The following LBP variants were observed in gnomAD, a reference collection of about 807,000 sequenced individuals.
LBP encodes lipopolysaccharide-binding protein.
In LBP, 53 loss-of-function variants were observed where a neutral mutation model predicts 56.6. The observed-to-expected ratio is 0.94, with a 90% CI of 0.75 to 1.18. LBP has a LOEUF of 1.18. Among genes scored for constraint, LBP ranks in the 50% most tolerant of loss-of-function variants. LBP has a pLI of 0.00. For synonymous variants in LBP, 227 were observed against 247.5 expected (o/e 0.92, Z 0.78); for missense variants, 601 against 598.3 (o/e 1.00, Z -0.05).
intron 6 of LBP, among the ~76,000 whole-genome samples, chr20:38,362,024 C>T (rs542317296): frequency 6.8e-5 from 10 of 147,234 alleles, no homozygotes; most frequent in Non-Finnish European, 1.0e-4. Context: ...GGGCTGGGCG[C>T]GGTGGCTCAC....
At chr20:38,360,653 C>A in intron 5 of LBP, 51 bp from the exon 6 acceptor site, 1 of 1,310,724 alleles carries the variant, frequency 7.6e-7, no homozygotes, top group South Asian at 1.2e-5. Flanking sequence ...AGCACGGGGC[C>A]AGACCAGAGC....
chr20:38,351,730 C>T (rs189361700), intron 3 of LBP, among the ~76,000 whole-genome samples: 1 of 152,186 alleles, frequency 6.6e-6, no homozygotes, highest in Non-Finnish European at 1.5e-5. Flanking sequence ...CAAGAAATCC[C>T]ATTTCTGAGG....
At chr20:38,356,445 CA>C (rs1167169351) in intron 5 of LBP, among the ~76,000 whole-genome samples, 17 of 130,330 alleles carry the variant, frequency 1.3e-4, no homozygotes, top group African/African-American at 4.8e-4. Context: ...CACACACACA[CA>C]CACACACACC....
chr20:38,355,759 T>A (rs2076836684), intron 5 of LBP, among the ~76,000 whole-genome samples: 1 of 151,980 alleles, frequency 6.6e-6, no homozygotes, highest in Admixed American at 6.6e-5. Context: ...CTCAGGCGCC[T>A]GCAAGAGACC....
Position 38,363,959 on chromosome 20 carries a change from C to T in LBP, c.653-16C>T, listed in dbSNP as rs777947850. ...GTGTCATCTGGCCCCTAATTCTGCC[C>T]TGTCCTCATTCACAGTTACAACAGA... On this transcript the variant is annotated splice_polypyrimidine_tract_variant and intron_variant, in intron 6 of 14. Coordinates refer to ENST00000217407, the MANE Select transcript of LBP (RefSeq NM_004139.5). 2.5e-6 allele frequency: 4 copies of T among 1,594,116 alleles called. No individual in the cohort carries two copies. The East Asian group carries it at 6.7e-5, about 27-fold the overall frequency.
At position 38,366,873 on chromosome 20, in the gene LBP, A is replaced by C. The variant is rs113579225; in HGVS notation, c.981+45A>C. ...CCCATGAGTGCAGACCGAGCCTACT[A>C]GACTCCAGAGGTTTCTCTTTAAAAC... On this transcript the variant is annotated intron_variant, in intron 9 of 14. Coordinates refer to ENST00000217407, the MANE Select transcript of LBP (RefSeq NM_004139.5). 9.5e-5 allele frequency: 147 copies of C among 1,540,982 alleles called. 6 individuals are homozygous for C. In the African/African-American group the frequency reaches 1.2e-3, roughly 13 times the overall value.
rs755292039 is a variant in LBP, at chr20:38,376,866, C to T, written c.*197C>T. ...ATGCCCTCTCTGAGTCTGGACTTTG[C>T]TTCCCCTCCAGGAGGGACCACCCTC... is the stretch of plus-strand genomic sequence containing the variant. On this transcript the variant is annotated 3_prime_UTR_variant, in exon 15 of 15. Coordinates refer to ENST00000217407, the MANE Select transcript of LBP (RefSeq NM_004139.5). 26 of 702,612 alleles carry T rather than the reference C, an allele frequency of 3.7e-5. No individual in the cohort carries two copies. The highest frequency in any genetic ancestry group is 2.6e-6 in the Non-Finnish European group (1 of 384,964). The allele number at this position is 702,612 out of a possible 1,614,324, so 43.5% of individuals were successfully genotyped here. A position where few individuals can be genotyped will look rare whatever the true frequency, so the allele number is the denominator to read the frequency against.
intron 3 of LBP, among the ~76,000 whole-genome samples, chr20:38,353,986 T>C (rs1365925788): frequency 6.6e-6 from 1 of 152,168 alleles, no homozygotes; most frequent in Admixed American, 6.5e-5. Flanking sequence ...TTTTTTACTT[T>C]ACATATGGCA....
rs5744218 is a variant in LBP at position 38,372,879 on chromosome 20, G to A, written c.1261-193G>A. Among the ~76,000 whole-genome samples the A allele has an allele frequency of 8.4e-3, 1,272 of 152,214 alleles. 10 individuals are homozygous for A. The highest frequency in any genetic ancestry group is 0.013 in the Non-Finnish European group (883 of 68,030). The stretch of plus-strand genomic sequence containing the variant: ...TTCTTCCTTTAGAGGAAAGACTGTC[G>A]GGTGTGTAACTTTCCAAAATTTTTC... On this transcript the variant is annotated intron_variant, in intron 12 of 14. Coordinates refer to ENST00000217407, the MANE Select transcript of LBP (RefSeq NM_004139.5).
intron 8 of LBP, among the ~76,000 whole-genome samples, chr20:38,366,244 C>T (rs2076881345): frequency 6.6e-6 from 1 of 152,184 alleles, no homozygotes; most frequent in African/African-American, 2.4e-5. Context: ...TGGCCTCCTA[C>T]ACCTGCACAG....
At chr20:38,349,770 C>A in intron 2 of LBP, 108 bp downstream of exon 2, 1 of 772,404 alleles carries the variant, frequency 1.3e-6, no homozygotes, top group South Asian at 1.8e-5. Flanking sequence ...GGGGGGACCT[C>A]TCCGGGGCAG....
At position 38,376,699 on chromosome 20, in the gene LBP, AGCTGGATCTGCTTGTTGCATTTCCAG is replaced by A; in HGVS notation, c.*31_*56del. ...AAGAAAGATGAAGCTTGGAGGTCAC[AGCTGGATCTGCTTGTTGCATTTCCAG>A]CTGTGCAGCACGTCTCAGAGATTCT... is the stretch of plus-strand genomic sequence containing the variant. On this transcript the variant is annotated 3_prime_UTR_variant, in exon 15 of 15. Transcript: ENST00000217407. 6.3e-7 allele frequency: 1 copy of A among 1,596,522 alleles called. No individual in the cohort carries two copies. The highest frequency in any genetic ancestry group is 8.6e-7 in the Non-Finnish European group (1 of 1,164,014).
intron 11 of LBP, 103 bp downstream of exon 11, chr20:38,370,908 A>G: frequency 3.1e-6 from 3 of 962,890 alleles, no homozygotes; most frequent in Admixed American, 3.4e-5. Context: ...CCATTTGGAA[A>G]GGACACTTAC....
Position 38,376,692 on chromosome 20 carries a change from A to C in LBP, c.*23A>C, listed in dbSNP as rs761790213. 1 of 1,607,546 alleles carries C rather than the reference A, an allele frequency of 6.2e-7. No individual in the cohort carries two copies. Among genetic ancestry groups the C allele is most frequent in the South Asian group, 1.1e-5 (1 of 90,940 alleles). ...TGAGGACAAGAAAGATGAAGCTTGG[A>C]GGTCACAGCTGGATCTGCTTGTTGC... is the stretch of plus-strand genomic sequence containing the variant. On this transcript the variant is annotated 3_prime_UTR_variant, in exon 15 of 15. Transcript: ENST00000217407.
At chr20:38,360,582 T>C (rs1372916298) in intron 5 of LBP, 122 bp from the exon 6 acceptor site, 1 of 674,674 alleles carries the variant, frequency 1.5e-6, no homozygotes, top group Non-Finnish European at 2.7e-6. Flanking sequence ...CAAGCACTTA[T>C]AAATATTTGT....
At chr20:38,365,708 AAAAAAAAAAATATAT>A (rs1472577976) in intron 8 of LBP, among the ~76,000 whole-genome samples, 10 of 66,362 alleles carry the variant, frequency 1.5e-4, no homozygotes, top group East Asian at 3.3e-4. Flanking sequence ...AAAAAAAAAA[AAAAAAAAAAATATAT>A]ATATATATAT....
At chr20:38,354,529 G>C in intron 4 of LBP, 90 bp downstream of exon 4, 1 of 1,243,016 alleles carries the variant, frequency 8.0e-7, no homozygotes, top group South Asian at 1.5e-5. Context: ...TAATTGCAAT[G>C]ATCCAGGTGG....
intron 5 of LBP, among the ~76,000 whole-genome samples, chr20:38,359,783 A>T (rs1254936861): frequency 1.3e-5 from 2 of 152,194 alleles, no homozygotes; most frequent in Admixed American, 1.3e-4. Context: ...TTACAGTGGC[A>T]AGTACAGCCA....
At chr20:38,348,849 G>A (rs376750668) in intron 1 of LBP, among the ~76,000 whole-genome samples, 3 of 151,472 alleles carry the variant, frequency 2.0e-5, no homozygotes, top group Non-Finnish European at 2.9e-5. Context: ...GCTAGAGTGC[G>A]GTAGTGCGAT....
Sources: gnomAD v4.1 joint callset for allele counts (sites outside exome capture counted in the v4.1 genomes callset) on GRCh38, gnomAD v4.1.1 for gene constraint, MANE v1.5 for transcripts, NCBI Gene and HGNC (gene_info 2026-07-23, HGNC 2026-07-21) for gene names.